Variants in SLC25A21 observed in about 807,000 individuals in gnomAD.
SLC25A21 encodes the protein mitochondrial 2-oxodicarboxylate carrier.
SLC25A21 carries 47 observed loss-of-function variants against 43.8 expected under a neutral mutation model. That is an observed-to-expected ratio of 1.07 (90% confidence interval 0.85 to 1.37). The LOEUF (loss-of-function observed/expected upper bound fraction) is 1.37. Ranked by LOEUF, SLC25A21 falls within the 40% of genes most tolerant of loss-of-function variation. The pLI is 0.00. For synonymous variants in SLC25A21, 131 were observed against 121.3 expected (o/e 1.08, Z -0.52); for missense variants, 352 against 350.2 (o/e 1.00, Z -0.04).
At chr14:36,701,720 C>T (rs1437668243) in intron 7 of SLC25A21, among the ~76,000 whole-genome samples, 2 of 151,752 alleles carry the variant, frequency 1.3e-5, no homozygotes, top group Non-Finnish European at 2.9e-5. Flanking sequence ...TAGATAATAC[C>T]ACCTAGGAAT....
chr14:36,720,977 T>G (rs1443764782), intron 6 of SLC25A21, among the ~76,000 whole-genome samples: 2 of 152,210 alleles, frequency 1.3e-5, no homozygotes, highest in African/African-American at 4.8e-5. Flanking sequence ...AGAAGACCCT[T>G]GCTCAGTGAG....
chr14:37,091,679 A>G (rs1719591159), intron 1 of SLC25A21, among the ~76,000 whole-genome samples: 2 of 152,240 alleles, frequency 1.3e-5, no homozygotes, highest in African/African-American at 2.4e-5. Flanking sequence ...AGAAAGAACC[A>G]TAAGTATTGA....
Position 37,037,165 on chromosome 14 carries a change from T to G in SLC25A21, c.70+135116A>C, listed in dbSNP as rs576702181. 2.0e-5 allele frequency among the ~76,000 whole-genome samples: 3 copies of G among 152,274 alleles called. No homozygotes were observed. The East Asian group carries it at 5.8e-4, about 29-fold the overall frequency. On this transcript the variant is annotated intron_variant, in intron 1 of 9. Coordinates refer to ENST00000331299, the MANE Select transcript of SLC25A21 (RefSeq NM_030631.4). ...GGAAGAGAAAAAACTGTTTCCAAGT[T>G]ATTTCTAAATTTTCACACAATTTAC... is the stretch of plus-strand genomic sequence containing the variant.
chr14:36,886,516 A>T (rs1890917266), intron 1 of SLC25A21, among the ~76,000 whole-genome samples: 1 of 152,192 alleles, frequency 6.6e-6, no homozygotes, highest in African/African-American at 2.4e-5. Flanking sequence ...TATACTCCCT[A>T]TTCTCATAGA....
intron 1 of SLC25A21, among the ~76,000 whole-genome samples, chr14:37,080,888 C>A (rs1381743393): frequency 6.6e-6 from 1 of 152,140 alleles, no homozygotes; most frequent in Admixed American, 6.6e-5. Flanking sequence ...GCAGGGTCAA[C>A]TTCCAGGCCC....
At chr14:36,732,882 T>C (rs1341332065) in intron 4 of SLC25A21, among the ~76,000 whole-genome samples, 2 of 152,236 alleles carry the variant, frequency 1.3e-5, no homozygotes, top group Non-Finnish European at 2.9e-5. Context: ...ACTTACCATA[T>C]GTCTCAATAA....
intron 1 of SLC25A21, among the ~76,000 whole-genome samples, chr14:37,143,666 T>G (rs962737508): frequency 1.3e-5 from 2 of 151,726 alleles, no homozygotes; most frequent in African/African-American, 4.8e-5. Flanking sequence ...AAGAAGGCAT[T>G]TGACTGATTT....
intron 2 of SLC25A21, among the ~76,000 whole-genome samples, chr14:36,823,639 G>A (rs1018100565): frequency 6.6e-6 from 1 of 152,120 alleles, no homozygotes; most frequent in Non-Finnish European, 1.5e-5. Context: ...AATGAGAATA[G>A]AGAGGATCAC....
rs1891460943 is a variant in SLC25A21 at position 36,903,753 on chromosome 14, C to T, written c.71-28749G>A. ...CTGGCTTCCTTGAGTCACTCTCCCA[C>T]CATTCAACAACCTGCTGGAGCTGAG... On this transcript the variant is annotated intron_variant, in intron 1 of 9. Transcript: ENST00000331299. 5.3e-5 allele frequency among the ~76,000 whole-genome samples: 8 copies of T among 152,078 alleles called. No homozygotes were observed. In the South Asian group the frequency reaches 1.7e-3, roughly 32 times the overall value.
chr14:36,906,433 G>C (rs1891535342), intron 1 of SLC25A21, among the ~76,000 whole-genome samples: 1 of 151,990 alleles, frequency 6.6e-6, no homozygotes, highest in South Asian at 2.1e-4. Context: ...TATGGTTGTA[G>C]ATGGCCAAGA....
At chr14:37,135,391 C>G (rs958129862) in intron 1 of SLC25A21, among the ~76,000 whole-genome samples, 1 of 151,918 alleles carries the variant, frequency 6.6e-6, no homozygotes, top group African/African-American at 2.4e-5. Flanking sequence ...AGAGCAAGAT[C>G]CTATCTCTAA....
chr14:37,079,165 T>A (rs1303977838), intron 1 of SLC25A21, among the ~76,000 whole-genome samples: 2 of 152,200 alleles, frequency 1.3e-5, no homozygotes, highest in Non-Finnish European at 2.9e-5. Flanking sequence ...AGAACTTTAA[T>A]TCACATCCAC....
At chr14:37,165,208 C>G (rs1400036347) in intron 1 of SLC25A21, among the ~76,000 whole-genome samples, 1 of 152,096 alleles carries the variant, frequency 6.6e-6, no homozygotes, top group Non-Finnish European at 1.5e-5. Flanking sequence ...GAAACCTCAT[C>G]TCTACTAAAA....
intron 1 of SLC25A21, among the ~76,000 whole-genome samples, chr14:37,149,824 TAA>T (rs35139064): frequency 0.016 from 2,401 of 152,184 alleles, 54 homozygotes; most frequent in African/African-American, 0.055. Context: ...CATTTCTCAT[TAA>T]GAGAGAAAAA....
intron 1 of SLC25A21, among the ~76,000 whole-genome samples, chr14:37,068,785 T>C (rs1026776947): frequency 6.6e-6 from 1 of 152,152 alleles, no homozygotes; most frequent in Admixed American, 6.5e-5. Context: ...AAAGAAATAA[T>C]ATGGCAGAAA....
intron 1 of SLC25A21, among the ~76,000 whole-genome samples, chr14:37,038,996 C>T (rs1961388437): frequency 6.6e-6 from 1 of 152,138 alleles, no homozygotes; most frequent in Admixed American, 6.5e-5. Context: ...GAATGTCATG[C>T]ATAATCACAG....
chr14:37,129,873 T>C (rs1259133487), intron 1 of SLC25A21, among the ~76,000 whole-genome samples: 1 of 152,068 alleles, frequency 6.6e-6, no homozygotes, highest in Non-Finnish European at 1.5e-5. Flanking sequence ...TCATTCTACC[T>C]AATTCTTGCC....
At chr14:36,746,788 T>C (rs8017110) in intron 3 of SLC25A21, among the ~76,000 whole-genome samples, 6,668 of 152,218 alleles carry the variant, frequency 0.044, 479 homozygotes, top group African/African-American at 0.15. Context: ...TAATATACTC[T>C]GTGCCAAGCA....
At chr14:36,801,670 A>G (rs944329149) in intron 3 of SLC25A21, among the ~76,000 whole-genome samples, 1 of 152,162 alleles carries the variant, frequency 6.6e-6, no homozygotes. Flanking sequence ...GGTGTCTGAA[A>G]CCAAGAGTCT....
Sources: gnomAD v4.1 joint callset for allele counts (sites outside exome capture counted in the v4.1 genomes callset) on GRCh38, gnomAD v4.1.1 for gene constraint, MANE v1.5 for transcripts, NCBI Gene and HGNC (gene_info 2026-07-23, HGNC 2026-07-21) for gene names.